DNMT3A: variants seen among roughly 807,000 people sequenced by gnomAD.
The protein encoded by DNMT3A is DNA methyltransferase 3 alpha.
A neutral mutation model predicts 117.6 loss-of-function variants in DNMT3A; 267 were observed. The ratio of observed to expected loss-of-function variants is 2.27; its 90% confidence interval spans 2.05 to 2.51. The LOEUF is 2.51. Ranked by LOEUF, DNMT3A falls within the 30% of genes most tolerant of loss-of-function variation. DNMT3A has a pLI of 0.00. For synonymous variants in DNMT3A, 432 were observed against 474.8 expected (o/e 0.91, Z 1.17); for missense variants, 1,029 against 1,260.2 (o/e 0.82, Z 2.78).
intron 14 of DNMT3A, 60 bp from the exon 15 acceptor site, chr2:25,244,398 G>A: frequency 6.4e-7 from 1 of 1,567,924 alleles, no homozygotes; most frequent in Non-Finnish European, 8.7e-7. Context: ...AGGCCAAGGT[G>A]TGCTACCTGG....
chr2:25,316,637 C>T (rs1035452612), intron 1 of DNMT3A, among the ~76,000 whole-genome samples: 1 of 152,226 alleles, frequency 6.6e-6, no homozygotes, highest in African/African-American at 2.4e-5. Context: ...TCAGGCAGCC[C>T]AGCCATGGGG....
At position 25,248,202 on chromosome 2, in the gene DNMT3A, G is replaced by C. The variant is rs1449054396; in HGVS notation, c.690C>G (p.Asn230Lys). The C allele has an allele frequency of 3.1e-6, 5 of 1,612,756 alleles. No homozygotes were observed. Among genetic ancestry groups the C allele is most frequent in the Non-Finnish European group, 4.2e-6 (5 of 1,179,714 alleles). ...VIAGMNAVEE[N>K]QGPGESQKVE... ...CCTTCTGAGACTCCCCGGGCCCCTG[G>C]TTTTCTTCCACAGCATTCATTCCTG... The change falls in exon 7 of 23, where the codon AAC becomes AAG. Residue 230 changes from asparagine to lysine, a missense_variant. By Grantham distance (94) the Asn-to-Lys change is moderately conservative. Coordinates refer to ENST00000321117, the MANE Select transcript of DNMT3A (RefSeq NM_022552.5).
chr2:25,294,613 C>G lies in DNMT3A; in HGVS notation c.177+5526G>C, dbSNP rs2032982450. Among the ~76,000 whole-genome samples the G allele has an allele frequency of 2.0e-5, 3 of 152,230 alleles. No individual in the cohort carries two copies. Among genetic ancestry groups the G allele is most frequent in the Non-Finnish European group, 4.4e-5 (3 of 68,048 alleles). ...TGAAAACAAGCAGGGCTGCTGAGCT[C>G]TGTCTTAACTTGGAGAAGAATCAAA... is the stretch of plus-strand genomic sequence containing the variant. On this transcript the variant is annotated intron_variant, in intron 3 of 22. Coordinates refer to ENST00000321117, the MANE Select transcript of DNMT3A (RefSeq NM_022552.5). This position sits in a 1 kb window ranked among gnomAD's most constrained non-coding sequence, Gnocchi z 4.7.
rs770302280 is a variant in DNMT3A, at chr2:25,244,280, TGGCTGCCTGGGCAGCCCCC to T, written c.1707_1725del (p.Gly570LeufsTer75). On this transcript the variant is annotated frameshift_variant, in exon 15 of 23. Transcript: ENST00000321117. LOFTEE classifies it high-confidence loss of function. ...TAGCAGTTCCAGGGGTCTTCCTTAA[TGGCTGCCTGGGCAGCCCCC>T]GGCCCCACCAAGAGGTCCACACACT... 1 of 1,613,184 alleles carries T rather than the reference TGGCTGCCTGGGCAGCCCCC, an allele frequency of 6.2e-7. No homozygotes were observed. Among genetic ancestry groups the T allele is most frequent in the Admixed American group, 1.7e-5 (1 of 59,894 alleles).
At chr2:25,279,134 G>A (rs1415357776) in intron 4 of DNMT3A, among the ~76,000 whole-genome samples, 1 of 152,134 alleles carries the variant, frequency 6.6e-6, no homozygotes. Flanking sequence ...TAATGCTGGC[G>A]GGGGCAGGAA....
intron 6 of DNMT3A, among the ~76,000 whole-genome samples, chr2:25,260,252 G>A (rs10460566): frequency 0.73 from 110,724 of 152,128 alleles, 40,552 homozygotes; most frequent in Non-Finnish European, 0.75. Flanking sequence ...AATCATCTGA[G>A]GCTTGGTGGT....
rs1364595707 is a variant in DNMT3A at position 25,247,584 on chromosome 2, A to G, written c.1014+7T>C. On this transcript the variant is annotated splice_region_variant and intron_variant, in intron 8 of 22. Transcript: ENST00000321117. This position sits in a 1 kb window ranked among gnomAD's most constrained non-coding sequence, Gnocchi z 5.6. Reference sequence around the variant, plus strand: ...ACCCCAGGCTACTGCCAAACCCCACAACTTACCACTGAGAATTTGCCGTCT... The same window carrying G: ...ACCCCAGGCTACTGCCAAACCCCACGACTTACCACTGAGAATTTGCCGTCT... 18 of 1,613,078 alleles carry G rather than the reference A, an allele frequency of 1.1e-5. No individual in the cohort carries two copies. The highest frequency in any genetic ancestry group is 1.4e-5 in the Non-Finnish European group (17 of 1,179,674).
At chr2:25,309,482 A>G (rs1461475686) in intron 2 of DNMT3A, among the ~76,000 whole-genome samples, 4 of 152,174 alleles carry the variant, frequency 2.6e-5, no homozygotes, top group East Asian at 1.9e-4. Flanking sequence ...CAAGAGCGCC[A>G]TTATGCAGTG....
At chr2:25,331,010 G>C (rs952053280) in intron 1 of DNMT3A, among the ~76,000 whole-genome samples, 6 of 152,224 alleles carry the variant, frequency 3.9e-5, no homozygotes, top group Non-Finnish European at 8.8e-5. Flanking sequence ...GGGAGGCAAA[G>C]AACCAGAGGA....
At chr2:25,302,040 C>G (rs2033549098) in intron 2 of DNMT3A, among the ~76,000 whole-genome samples, 1 of 152,220 alleles carries the variant, frequency 6.6e-6, no homozygotes. Context: ...TCCATCCATC[C>G]TCCAGCTGAG....
chr2:25,291,576 A>G (rs1464633485), intron 3 of DNMT3A, among the ~76,000 whole-genome samples: 1 of 152,204 alleles, frequency 6.6e-6, no homozygotes, highest in East Asian at 1.9e-4. Flanking sequence ...CAGTGGGGTC[A>G]GGGATGGCGG....
At chr2:25,279,774 C>T (rs977004846) in intron 4 of DNMT3A, among the ~76,000 whole-genome samples, 29 of 152,002 alleles carry the variant, frequency 1.9e-4, no homozygotes, top group African/African-American at 4.8e-4. Context: ...GCAACCTCCA[C>T]CTCCCGGGTT....
rs1558700856 is a variant in DNMT3A at position 25,278,033 on chromosome 2, AC to A, written c.449-2491del. Among the ~76,000 whole-genome samples, 75 of 83,924 alleles carry A rather than the reference AC, an allele frequency of 8.9e-4. 2 individuals are homozygous for A. In the East Asian group the frequency reaches 0.017, roughly 19 times the overall value. The allele number at this position is 83,924 out of a possible 152,430, so 55.1% of individuals were successfully genotyped here. ...CACACACACACACACACACACACAC[AC>A]ACACAGACACACACGCTTTCCAGCC... is the stretch of plus-strand genomic sequence containing the variant. On this transcript the variant is annotated intron_variant, in intron 4 of 22. Transcript: ENST00000321117.
rs939784144 is a variant in DNMT3A at position 25,229,278 on chromosome 2, G to C, written c.*5001C>G. 12 of 152,522 alleles carry C rather than the reference G, an allele frequency of 7.9e-5. No homozygotes were observed. The highest frequency in any genetic ancestry group is 2.9e-4 in the African/African-American group (12 of 41,426). The allele number at this position is 152,522 out of a possible 1,614,324, so 9.4% of individuals were successfully genotyped here. A position where few individuals can be genotyped will look rare whatever the true frequency, so the allele number is the denominator to read the frequency against. On this transcript the variant is annotated 3_prime_UTR_variant, in exon 23 of 23. Transcript: ENST00000321117. ...CCCGGTCCTCCTGACCCCAGCACAGGGCCTGGTAAGGAGGCGGCTGACACT... is the reference window on the plus strand; with the variant it reads ...CCCGGTCCTCCTGACCCCAGCACAGCGCCTGGTAAGGAGGCGGCTGACACT...
At chr2:25,322,404 AC>A (rs2034630002) in intron 1 of DNMT3A, among the ~76,000 whole-genome samples, 1 of 151,920 alleles carries the variant, frequency 6.6e-6, no homozygotes, top group African/African-American at 2.4e-5. Context: ...AGCTCCTCAC[AC>A]CCACACAGAG....
chr2:25,236,960 A>T lies in DNMT3A; in HGVS notation c.2454T>A (p.Cys818Ter), dbSNP rs765929513. ...TVNDKLELQE[C>*]LEHGRIAKFS... The stretch of plus-strand genomic sequence containing the variant: ...CCTTGGCTATCCTGCCATGCTCCAG[A>T]CACTCCTGCAGCTCCAGCTTATCAT... Residue 818 changes from cysteine to a stop codon, truncating the protein, a stop_gained, in exon 21 of 23, where the codon TGT becomes TGA. Coordinates refer to ENST00000321117, the MANE Select transcript of DNMT3A (RefSeq NM_022552.5). LOFTEE classifies it high-confidence loss of function. This position sits in a 1 kb window ranked among gnomAD's most constrained non-coding sequence, Gnocchi z 4.5. The T allele has an allele frequency of 6.2e-7, 1 of 1,613,602 alleles. No homozygotes were observed. The highest frequency in any genetic ancestry group is 8.5e-7 in the Non-Finnish European group (1 of 1,179,854).
Position 25,252,219 on chromosome 2 carries a change from G to C in DNMT3A, c.640-3967C>G. 1 of 1,556,486 alleles carries C rather than the reference G, an allele frequency of 6.4e-7. No individual in the cohort carries two copies. Among genetic ancestry groups the C allele is most frequent in the East Asian group, 2.5e-5 (1 of 40,346 alleles). On this transcript the variant is annotated intron_variant, in intron 6 of 22. Transcript: ENST00000321117. The surrounding 1 kb of genome is among the most constrained non-coding windows in gnomAD (Gnocchi z 5.5). Reference sequence around the variant, plus strand: ...CCATAAGGCCAGGTGCAGCCCCTCTGCAGTCGCGCTCAGGTGTGAGCCGCG... The same window carrying C: ...CCATAAGGCCAGGTGCAGCCCCTCTCCAGTCGCGCTCAGGTGTGAGCCGCG...
At position 25,330,569 on chromosome 2, in the gene DNMT3A, C is replaced by T. The variant is rs377358011; in HGVS notation, c.-178+11257G>A. On this transcript the variant is annotated intron_variant, in intron 1 of 22. Coordinates refer to ENST00000321117, the MANE Select transcript of DNMT3A (RefSeq NM_022552.5). The stretch of plus-strand genomic sequence containing the variant: ...CTCACAGAGGAAGCGGCCCTCTCTG[C>T]CATCTCCTGAGGTCTGGCTCGGAAA... Among the ~76,000 whole-genome samples, 8 of 152,372 alleles carry T rather than the reference C, an allele frequency of 5.3e-5. No homozygotes were observed. The East Asian group carries it at 1.3e-3, about 26-fold the overall frequency.
intron 1 of DNMT3A, among the ~76,000 whole-genome samples, chr2:25,329,813 C>CGG (rs2034947249): frequency 7.2e-5 from 11 of 152,278 alleles, no homozygotes; most frequent in Admixed American, 6.5e-4. Flanking sequence ...CACACAGCCC[C>CGG]CCTCATGCTG....
Sources: gnomAD v4.1 joint callset for allele counts (sites outside exome capture counted in the v4.1 genomes callset) on GRCh38, gnomAD v4.1.1 for gene constraint, Gnocchi (gnomAD v3.1) non-coding constraint, MANE v1.5 for transcripts, NCBI Gene and HGNC (gene_info 2026-07-23, HGNC 2026-07-21) for gene names.